Variants in DVL3 observed in about 807,000 individuals in gnomAD.
The protein encoded by DVL3 is dishevelled segment polarity protein 3, also known as segment polarity protein dishevelled homolog DVL-3.
In DVL3, 27 loss-of-function variants were observed where a neutral mutation model predicts 67.4. The ratio of observed to expected loss-of-function variants is 0.40; its 90% CI spans 0.30 to 0.55. The LOEUF is 0.55. Among genes scored for constraint, DVL3 ranks in the 20% least tolerant of loss-of-function variants. DVL3 has a pLI of 0.46. For synonymous variants in DVL3, 369 were observed against 396.8 expected (o/e 0.93, Z 0.83); for missense variants, 819 against 1,021.5 (o/e 0.80, Z 2.70).
chr3:184,168,192 C>T, intron 13 of DVL3, 127 bp downstream of exon 13: 1 of 1,083,568 alleles, frequency 9.2e-7, no homozygotes. Context: ...AATTCAAGGC[C>T]TGAGAGTTCT....
At position 184,170,311 on chromosome 3, in the gene DVL3, T is replaced by G; in HGVS notation, c.1715-8T>G. On this transcript the variant is annotated splice_polypyrimidine_tract_variant and splice_region_variant and intron_variant, in intron 14 of 14. Transcript: ENST00000313143. The surrounding 1 kb of genome is among the most constrained non-coding windows in gnomAD (Gnocchi z 6.5). ...CTGCCCCACCCCGGCCCTGTTTGCC[T>G]CCTACAGGCAGTCGGAGCAGTGGCT... The G allele has an allele frequency of 6.3e-7, 1 of 1,596,100 alleles. No individual in the cohort carries two copies. The highest frequency in any genetic ancestry group is 8.5e-7 in the Non-Finnish European group (1 of 1,171,158).
Position 184,166,652 on chromosome 3 carries a change from G to A in DVL3, c.1027G>A (p.Gly343Ser). The change falls in exon 10 of 15, where the codon GGT becomes AGT. Residue 343 changes from glycine (G) to serine (S), a missense_variant. Gly to Ser is a moderately conservative substitution (Grantham distance 56, BLOSUM62 0). This residue lies in a region of DVL3 where 385 missense variants were observed against 486.8 expected (regional missense o/e 0.79). Coordinates refer to ENST00000313143, the MANE Select transcript of DVL3 (RefSeq NM_004423.4). This position sits in a 1 kb window ranked among gnomAD's most constrained non-coding sequence, Gnocchi z 6.7. The part of the protein sequence containing the change: ...VAKCWDPSPR[G>S]CFTLPRSEPI... ...CAAGTGCTGGGACCCAAGTCCACGT[G>A]GTTGCTTCACATTGCCCAGGAGTAA... is the stretch of plus-strand genomic sequence containing the variant. 7 of 1,614,128 alleles carry A rather than the reference G, an allele frequency of 4.3e-6. No homozygotes were observed. Among genetic ancestry groups the A allele is most frequent in the Non-Finnish European group, 5.9e-6 (7 of 1,180,014 alleles).
Position 184,167,607 on chromosome 3 carries a change from A to G in DVL3, c.1226A>G (p.His409Arg), listed in dbSNP as rs1714643701. ...ERLDDFHLSI[H>R]SDMAAIVKAM... is the part of the protein sequence containing the mutation. Reference sequence around the variant, plus strand: ...CTAGACGACTTCCACTTGTCCATCCACAGTGACATGGCTGCCATCGTAAAA... The same window carrying G: ...CTAGACGACTTCCACTTGTCCATCCGCAGTGACATGGCTGCCATCGTAAAA... Residue 409 changes from histidine (H) to arginine (R), a missense_variant, in exon 12 of 15, where the codon CAC (histidine) becomes CGC (arginine). His to Arg is a conservative substitution (Grantham distance 29). This residue lies in a region of DVL3 where 110 missense variants were observed against 203.4 expected (regional missense o/e 0.54). Transcript: ENST00000313143. This position sits in a 1 kb window ranked among gnomAD's most constrained non-coding sequence, Gnocchi z 4.6. The G allele has an allele frequency of 6.2e-7, 1 of 1,613,982 alleles. No homozygotes were observed. Among genetic ancestry groups the G allele is most frequent in the Non-Finnish European group, 8.5e-7 (1 of 1,179,998 alleles).
chr3:184,161,912 A>T (rs1402568496), intron 1 of DVL3, among the ~76,000 whole-genome samples: 1 of 152,202 alleles, frequency 6.6e-6, no homozygotes, highest in East Asian at 1.9e-4. Context: ...TGAAGATCAT[A>T]GTCTGCCCAC....
chr3:184,164,301 C>A lies in DVL3; in HGVS notation c.266C>A (p.Ala89Asp). 1.2e-6 allele frequency: 2 copies of A among 1,614,162 alleles called. No individual in the cohort carries two copies. The highest frequency in any genetic ancestry group is 1.1e-5 in the South Asian group (1 of 91,090). The change falls in exon 3 of 15, where the codon GCC becomes GAC. Residue 89 changes from alanine (A) to aspartate (D), a missense_variant. Transcript: ENST00000313143. The surrounding 1 kb of genome is among the most constrained non-coding windows in gnomAD (Gnocchi z 5.3). Reference sequence around the variant, plus strand: ...GCTGAGGGCTCACACCCAGACCCAGCCCCCTTCTGTGCTGATAACCCATCG... The same window carrying A: ...GCTGAGGGCTCACACCCAGACCCAGACCCCTTCTGTGCTGATAACCCATCG... ...VSAEGSHPDP[A>D]PFCADNPSEL...
Position 184,164,471 on chromosome 3 carries a change from C to G in DVL3, c.354-21C>G. 1 of 1,601,504 alleles carries G rather than the reference C, an allele frequency of 6.2e-7. No individual in the cohort carries two copies. The highest frequency in any genetic ancestry group is 8.5e-7 in the Non-Finnish European group (1 of 1,173,914). On this transcript the variant is annotated intron_variant, in intron 3 of 14. Transcript: ENST00000313143. The surrounding 1 kb of genome is among the most constrained non-coding windows in gnomAD (Gnocchi z 5.3). ...GGAGCCCCCAGCCTGCCCCCTCCCC[C>G]ATCAAGTCTCTTCCCTGCAGCCCTC...
rs1311053970 is a variant in DVL3, at chr3:184,170,129, C to T, written c.1622C>T (p.Pro541Leu). ...PWPMAFPYQY[P>L]PPPHPYNPHP... ...CCCATGGCTTTCCCGTACCAGTACC[C>T]GCCACCCCCGCACCCATACAACCCG... Residue 541 changes from proline (P) to leucine (L), a missense_variant, in exon 14 of 15, where the codon CCG (proline) becomes CTG (leucine). By Grantham distance (98) the Pro-to-Leu change is moderately conservative. Transcript: ENST00000313143. The surrounding 1 kb of genome is among the most constrained non-coding windows in gnomAD (Gnocchi z 6.5). 47 of 1,613,790 alleles carry T rather than the reference C, an allele frequency of 2.9e-5. No homozygotes were observed. Among genetic ancestry groups the T allele is most frequent in the Non-Finnish European group, 3.6e-5 (43 of 1,179,960 alleles).
Position 184,155,584 on chromosome 3 carries a change from C to T in DVL3, c.-52C>T. On this transcript the variant is annotated 5_prime_UTR_variant, in exon 1 of 15. Transcript: ENST00000313143. This position sits in a 1 kb window ranked among gnomAD's most constrained non-coding sequence, Gnocchi z 5.4. ...CGCCGCCGCCGTCTGGGAGGCTCGG[C>T]CCGGCCGCCCGAGCAGGCCGCGCGC... The T allele has an allele frequency of 9.4e-7, 1 of 1,062,290 alleles. No individual in the cohort carries two copies. Among genetic ancestry groups the T allele is most frequent in the Non-Finnish European group, 1.1e-6 (1 of 878,958 alleles). 65.8% of individuals were successfully genotyped at this position (1,062,290 alleles called of 1,614,324 possible).
Position 184,172,933 on chromosome 3 carries a change from C to G in DVL3, c.*2178C>G, listed in dbSNP as rs146593301. ...TCTTGTCCGACTCTCTTGAGAATTT[C>G]TCAACGATTGCTCATGCCTGTCAGT... On this transcript the variant is annotated 3_prime_UTR_variant, in exon 15 of 15. Transcript: ENST00000313143. 6.6e-6 allele frequency: 1 copy of G among 152,246 alleles called. No homozygotes were observed. The highest frequency in any genetic ancestry group is 2.4e-5 in the African/African-American group (1 of 41,446). 9.4% of individuals were successfully genotyped at this position (152,246 alleles called of 1,614,324 possible).
In DVL3 at chr3:184,165,593, C is replaced by T; in HGVS notation, c.763+102C>T. Reference sequence around the variant, plus strand: ...GAATATGTTCCCTGCCCTCAAGGAGCTCTCTTTCGTAAACATCAGCTGATA... The same window carrying T: ...GAATATGTTCCCTGCCCTCAAGGAGTTCTCTTTCGTAAACATCAGCTGATA... On this transcript the variant is annotated intron_variant, in intron 7 of 14. Transcript: ENST00000313143. The surrounding 1 kb of genome is among the most constrained non-coding windows in gnomAD (Gnocchi z 4.1). The T allele has an allele frequency of 3.9e-6, 4 of 1,018,748 alleles. No homozygotes were observed. The South Asian group carries it at 5.4e-5, about 14-fold the overall frequency. 63.1% of individuals were successfully genotyped at this position (1,018,748 alleles called of 1,614,324 possible). A position where few individuals can be genotyped will look rare whatever the true frequency, so the allele number is the denominator to read the frequency against.
chr3:184,167,953 G>A lies in DVL3; in HGVS notation c.1386G>A (p.Arg462=). The A allele has an allele frequency of 6.2e-7, 1 of 1,614,290 alleles. No homozygotes were observed. Among genetic ancestry groups the A allele is most frequent in the African/African-American group, 1.3e-5 (1 of 75,082 alleles). The part of the protein sequence containing the change: ...YHNVEGFTDR[R]EARKYASNLL... The stretch of plus-strand genomic sequence containing the variant: ...ATGTGGAAGGCTTCACGGACCGGAG[G>A]GAGGCCCGCAAGTATGCCAGCAACC... The change falls in exon 13 of 15, where the codon AGG becomes AGA. Residue 462 remains arginine, a synonymous_variant. Transcript: ENST00000313143. This position sits in a 1 kb window ranked among gnomAD's most constrained non-coding sequence, Gnocchi z 4.6.
At position 184,171,698 on chromosome 3, in the gene DVL3, G is replaced by A. The variant is rs901245787; in HGVS notation, c.*943G>A. On this transcript the variant is annotated 3_prime_UTR_variant, in exon 15 of 15. Coordinates refer to ENST00000313143, the MANE Select transcript of DVL3 (RefSeq NM_004423.4). ...GGATGTCCAGCCCCCACACCCACAC[G>A]TTAACATAATGAGTCACTAGGCTTC... 6 of 665,210 alleles carry A rather than the reference G, an allele frequency of 9.0e-6. No individual in the cohort carries two copies. The highest frequency in any genetic ancestry group is 3.7e-6 in the Non-Finnish European group (2 of 537,158). The allele number at this position is 665,210 out of a possible 1,614,324, so 41.2% of individuals were successfully genotyped here. A position where few individuals can be genotyped will look rare whatever the true frequency, so the allele number is the denominator to read the frequency against.
At position 184,171,730 on chromosome 3, in the gene DVL3, G is replaced by A; in HGVS notation, c.*975G>A. 5.0e-6 allele frequency: 2 copies of A among 401,628 alleles called. No homozygotes were observed. The highest frequency in any genetic ancestry group is 1.0e-4 in the South Asian group (1 of 9,668). 24.9% of individuals were successfully genotyped at this position (401,628 alleles called of 1,614,324 possible). ...TAATGAGTCACTAGGCTTCTGGGGAGGGCCCAACTTCACCCATGCATGAGA... is the reference window on the plus strand; with the variant it reads ...TAATGAGTCACTAGGCTTCTGGGGAAGGCCCAACTTCACCCATGCATGAGA... On this transcript the variant is annotated 3_prime_UTR_variant, in exon 15 of 15. Coordinates refer to ENST00000313143, the MANE Select transcript of DVL3 (RefSeq NM_004423.4).
At chr3:184,160,764 A>G (rs918184539) in intron 1 of DVL3, among the ~76,000 whole-genome samples, 24 of 152,054 alleles carry the variant, frequency 1.6e-4, no homozygotes, top group East Asian at 7.7e-4. Flanking sequence ...CTCAGCAGCA[A>G]TTTCCCCCAG....
chr3:184,155,880 G>T lies in DVL3; in HGVS notation c.161+84G>T. On this transcript the variant is annotated intron_variant, in intron 1 of 14. Coordinates refer to ENST00000313143, the MANE Select transcript of DVL3 (RefSeq NM_004423.4). The surrounding 1 kb of genome is among the most constrained non-coding windows in gnomAD (Gnocchi z 5.4). Reference sequence around the variant, plus strand: ...GACGCGGTCCGTTTCGACTTGCCTCGCTACACCGGCTCCTAGCCCCGCTCT... The same window carrying T: ...GACGCGGTCCGTTTCGACTTGCCTCTCTACACCGGCTCCTAGCCCCGCTCT... 1 of 1,468,694 alleles carries T rather than the reference G, an allele frequency of 6.8e-7. No homozygotes were observed. The highest frequency in any genetic ancestry group is 9.2e-7 in the Non-Finnish European group (1 of 1,091,064). The allele number at this position is 1,468,694 out of a possible 1,614,324, so 91.0% of individuals were successfully genotyped here.
In DVL3 at chr3:184,164,994, G is replaced by C; in HGVS notation, c.599+63G>C. On this transcript the variant is annotated intron_variant, in intron 5 of 14. Coordinates refer to ENST00000313143, the MANE Select transcript of DVL3 (RefSeq NM_004423.4). This position sits in a 1 kb window ranked among gnomAD's most constrained non-coding sequence, Gnocchi z 5.3. ...ACCCTGGAGGAGCCCTAAACCCTGA[G>C]GATGCGGGGCCCCTGGGAGGCTTAT... The C allele has an allele frequency of 6.2e-7, 1 of 1,611,364 alleles. No individual in the cohort carries two copies. The highest frequency in any genetic ancestry group is 1.1e-5 in the South Asian group (1 of 90,962).
chr3:184,168,458 C>T (rs958230108), intron 13 of DVL3, among the ~76,000 whole-genome samples: 4 of 152,194 alleles, frequency 2.6e-5, no homozygotes, highest in African/African-American at 4.8e-5. Flanking sequence ...TAGGTAGCCC[C>T]GAGGAGCACA....
intron 1 of DVL3, among the ~76,000 whole-genome samples, chr3:184,157,713 C>A (rs753948711): frequency 1.3e-5 from 2 of 152,148 alleles, no homozygotes; most frequent in Non-Finnish European, 2.9e-5. Context: ...CTGTGTGCCA[C>A]CTGAAGCCAT....
rs771967735 is a variant in DVL3, at chr3:184,170,592, G to GC, written c.1995dup (p.Met666HisfsTer45). On this transcript the variant is annotated frameshift_variant, in exon 15 of 15. Transcript: ENST00000313143. LOFTEE classifies it high-confidence loss of function. This position sits in a 1 kb window ranked among gnomAD's most constrained non-coding sequence, Gnocchi z 6.5. Reference sequence around the variant, plus strand: ...CCTCCCGGAGTGCCCCCTCTCTACGGCCCCCCCATGCTGATGATGCCCCCG... The same window carrying GC: ...CCTCCCGGAGTGCCCCCTCTCTACGGCCCCCCCCATGCTGATGATGCCCCCG... 8 of 1,600,836 alleles carry GC rather than the reference G, an allele frequency of 5.0e-6. No individual in the cohort carries two copies. Among genetic ancestry groups the GC allele is most frequent in the East Asian group, 2.3e-5 (1 of 44,128 alleles).
Sources: allele counts gnomAD v4.1 joint callset (sites outside exome capture counted in the v4.1 genomes callset), GRCh38; gene constraint gnomAD v4.1.1; regional missense constraint gnomAD v4.1.1; non-coding constraint Gnocchi (gnomAD v3.1); transcripts MANE v1.5; gene names NCBI Gene and HGNC (gene_info 2026-07-23, HGNC 2026-07-21).